SOX5: variants seen among roughly 807,000 people sequenced by gnomAD.
SOX5 encodes the protein transcription factor SOX-5.
In SOX5, 9 loss-of-function variants were observed where a neutral mutation model predicts 92.0. The observed-to-expected ratio is 0.10, with a 90% confidence interval of 0.06 to 0.17. SOX5 has a LOEUF of 0.17. SOX5 is among the 10% of genes least tolerant of loss of function. The pLI is 1.00. For synonymous variants in SOX5, 344 were observed against 336.3 expected (o/e 1.02, Z -0.25); for missense variants, 642 against 944.5 (o/e 0.68, Z 4.20).
intron 4 of SOX5, among the ~76,000 whole-genome samples, chr12:23,969,472 C>T (rs915940455): frequency 1.3e-5 from 2 of 152,180 alleles, no homozygotes; most frequent in Non-Finnish European, 2.9e-5. Context: ...CAACACCTTC[C>T]TTATTGCTAC....
intron 1 of SOX5, among the ~76,000 whole-genome samples, chr12:24,561,449 A>G (rs762885199): frequency 3.0e-4 from 46 of 152,182 alleles, no homozygotes; most frequent in Admixed American, 3.9e-4. Flanking sequence ...TCCGATCAAT[A>G]CTCAACAAAC....
chr12:24,147,395 T>G (rs542753933), intron 4 of SOX5, among the ~76,000 whole-genome samples: 46 of 152,232 alleles, frequency 3.0e-4, no homozygotes, highest in African/African-American at 1.1e-3. Flanking sequence ...TCATAAAAAT[T>G]TTCAGTGTAC....
At chr12:24,149,089 G>T (rs1481188018) in intron 4 of SOX5, among the ~76,000 whole-genome samples, 1 of 152,024 alleles carries the variant, frequency 6.6e-6, no homozygotes, top group Non-Finnish European at 1.5e-5. Flanking sequence ...ATTCAAAATG[G>T]ATCACAGACC....
chr12:24,014,053 A>G (rs908306813), intron 4 of SOX5, among the ~76,000 whole-genome samples: 1 of 152,190 alleles, frequency 6.6e-6, no homozygotes, highest in Non-Finnish European at 1.5e-5. Context: ...GTGTACAGGA[A>G]CCTGAGAACC....
rs1005273643 is a variant in SOX5, at chr12:24,353,529, C to T, written c.-174+15034G>A. Among the ~76,000 whole-genome samples the T allele has an allele frequency of 3.3e-5, 5 of 151,950 alleles. No individual in the cohort carries two copies. The East Asian group carries it at 5.8e-4, about 18-fold the overall frequency. On this transcript the variant is annotated intron_variant, in intron 2 of 4. Coordinates refer to the SOX5 transcript ENST00000446891. ...GCAAAGTGAGGGCAGATGGAGGGGT[C>T]GACATTCCTTGCTTTAGAAAAATGA...
intron 1 of SOX5, among the ~76,000 whole-genome samples, chr12:24,385,548 G>A (rs1156943002): frequency 1.3e-5 from 2 of 152,050 alleles, no homozygotes; most frequent in Non-Finnish European, 2.9e-5. Context: ...CAACATCCCT[G>A]CACATGTGTG....
rs372409746 is a variant in SOX5, at chr12:24,274,656, GT to G, written c.-77+2559del. Among the ~76,000 whole-genome samples, 238 of 112,726 alleles carry G rather than the reference GT, an allele frequency of 2.1e-3. 3 individuals carry two copies. Among genetic ancestry groups the G allele is most frequent in the African/African-American group, 7.0e-3 (224 of 31,970 alleles). 74.0% of individuals were successfully genotyped at this position (112,726 alleles called of 152,430 possible). On this transcript the variant is annotated intron_variant, in intron 3 of 4. Transcript: ENST00000446891. ...CTTACAAGTTCAAAGAGTAAAGTCA[GT>G]TTAGGTTTTGAAAGGAAAAAAAAAA... is the stretch of plus-strand genomic sequence containing the variant.
intron 3 of SOX5, among the ~76,000 whole-genome samples, chr12:23,836,069 A>T (rs1158618138): frequency 6.6e-6 from 1 of 151,840 alleles, no homozygotes; most frequent in Admixed American, 6.6e-5. Flanking sequence ...GTAACAATTT[A>T]TATATAGTAA....
intron 4 of SOX5, among the ~76,000 whole-genome samples, chr12:24,211,403 T>A (rs1336776303): frequency 6.6e-6 from 1 of 152,238 alleles, no homozygotes; most frequent in African/African-American, 2.4e-5. Context: ...TTTCCTTGTA[T>A]GAATAAATGA....
intron 3 of SOX5, among the ~76,000 whole-genome samples, chr12:23,767,904 CAT>C (rs2094792895): frequency 1.3e-5 from 2 of 151,898 alleles, no homozygotes; most frequent in Admixed American, 6.6e-5. Flanking sequence ...CTTTCACACA[CAT>C]GTGTATTTAG....
chr12:23,951,651 T>C (rs917538145), upstream of SOX5, among the ~76,000 whole-genome samples: 19 of 74,764 alleles, frequency 2.5e-4, no homozygotes, highest in East Asian at 5.5e-3. Flanking sequence ...AAAATATATA[T>C]ATACACACAC....
intron 4 of SOX5, among the ~76,000 whole-genome samples, chr12:23,985,280 C>T (rs1274516079): frequency 6.7e-6 from 1 of 149,914 alleles, no homozygotes; most frequent in Non-Finnish European, 1.5e-5. Context: ...GGTCCCACTC[C>T]ATCACCCAGG....
intron 3 of SOX5, among the ~76,000 whole-genome samples, chr12:23,833,774 T>C (rs17397127): frequency 0.015 from 2,248 of 151,932 alleles, 27 homozygotes; most frequent in Non-Finnish European, 0.023. Flanking sequence ...TGTCAGAAGA[T>C]TGGAGAAGAT....
intron 1 of SOX5, among the ~76,000 whole-genome samples, chr12:24,516,713 T>C (rs920162627): frequency 2.0e-5 from 3 of 152,226 alleles, no homozygotes; most frequent in Non-Finnish European, 4.4e-5. Context: ...TTAGAGCATC[T>C]CATCCTTTGT....
chr12:23,853,292 T>C (rs1017548523), intron 2 of SOX5, among the ~76,000 whole-genome samples: 1 of 151,480 alleles, frequency 6.6e-6, no homozygotes, highest in Non-Finnish European at 1.5e-5. Flanking sequence ...TGAAAATAGA[T>C]TGTTTTTAGA....
At chr12:23,563,548 G>T in intron 10 of SOX5, 145 bp from the exon 11 acceptor site, 1 of 629,868 alleles carries the variant, frequency 1.6e-6, no homozygotes, top group Non-Finnish European at 2.7e-6. Context: ...ATGAATGAAT[G>T]AATAATTGAC....
chr12:23,977,830 T>C (rs1041350507), intron 4 of SOX5, among the ~76,000 whole-genome samples: 2 of 152,184 alleles, frequency 1.3e-5, no homozygotes, highest in Non-Finnish European at 2.9e-5. Context: ...ACCCCACCTA[T>C]TGGTTCTAAC....
At chr12:24,428,637 C>T (rs1174042413) in intron 1 of SOX5, among the ~76,000 whole-genome samples, 2 of 134,914 alleles carry the variant, frequency 1.5e-5, no homozygotes, top group Non-Finnish European at 3.1e-5. Flanking sequence ...GGCATGGTGG[C>T]ACATGCCTGT....
intron 4 of SOX5, among the ~76,000 whole-genome samples, chr12:24,152,553 AAAC>A (rs1196115953): frequency 1.3e-5 from 2 of 152,186 alleles, no homozygotes; most frequent in African/African-American, 4.8e-5. Context: ...GTTTAAAATA[AAAC>A]AATAACAGAA....
Sources: gnomAD v4.1 joint callset for allele counts (sites outside exome capture counted in the v4.1 genomes callset) on GRCh38, gnomAD v4.1.1 for gene constraint, MANE v1.5 for transcripts, NCBI Gene and HGNC (gene_info 2026-07-23, HGNC 2026-07-21) for gene names.